BPIFB1: variants seen among roughly 807,000 people sequenced by gnomAD.
The protein encoded by BPIFB1 is BPI fold containing family B member 1.
BPIFB1 carries 34 observed loss-of-function variants against 55.1 expected under a neutral mutation model. That is an observed-to-expected ratio of 0.62 (90% CI 0.47 to 0.82). BPIFB1 has a LOEUF of 0.82. Among genes scored for constraint, BPIFB1 ranks in the 40% least tolerant of loss-of-function variants. The pLI, the probability that BPIFB1 is intolerant of heterozygous loss-of-function variation, is 0.00. For missense variants in BPIFB1, 532 were observed against 593.1 expected, an observed-to-expected ratio of 0.90 and a Z score of 1.07; for synonymous variants, 236 against 245.3, an observed-to-expected ratio of 0.96 and a Z score of 0.35.
Position 33,309,279 on chromosome 20 carries a change from T to G in BPIFB1, c.1396-429T>G, listed in dbSNP as rs1379562446. Among the ~76,000 whole-genome samples, 1 of 152,180 alleles carries G rather than the reference T, an allele frequency of 6.6e-6. No individual in the cohort carries two copies. Among genetic ancestry groups the G allele is most frequent in the Non-Finnish European group, 1.5e-5 (1 of 68,038 alleles). Reference sequence around the variant, plus strand: ...CAAGAAGGCAGGGGTTTCTGTCTGCTTTGTTCTCTGTTGTGATCAGTGGCT... The same window carrying G: ...CAAGAAGGCAGGGGTTTCTGTCTGCGTTGTTCTCTGTTGTGATCAGTGGCT... On this transcript the variant is annotated intron_variant, in intron 15 of 15. Transcript: ENST00000253354. The surrounding 1 kb of genome is among the most constrained non-coding windows in gnomAD (Gnocchi z 4.4).
chr20:33,302,913 C>T lies in BPIFB1; in HGVS notation c.982-3C>T. 6.2e-7 allele frequency: 1 copy of T among 1,613,930 alleles called. No individual in the cohort carries two copies. The highest frequency in any genetic ancestry group is 1.7e-4 in the Middle Eastern group (1 of 6,030). ...GCCACATGTGGGTCTGATCTCCTTC[C>T]AGGCTGCAGATAAGCTGGGATCTAC... On this transcript the variant is annotated splice_region_variant and splice_polypyrimidine_tract_variant and intron_variant, in intron 10 of 15. Coordinates refer to ENST00000253354, the MANE Select transcript of BPIFB1 (RefSeq NM_033197.3).
chr20:33,287,192 C>T (rs1212445734), intron 2 of BPIFB1, among the ~76,000 whole-genome samples: 3 of 152,244 alleles, frequency 2.0e-5, no homozygotes, highest in East Asian at 3.8e-4. Flanking sequence ...TAGAGATGAA[C>T]AACCATGCTT....
chr20:33,304,745 T>C, intron 12 of BPIFB1, 101 bp from the exon 13 acceptor site: 1 of 1,459,926 alleles, frequency 6.8e-7, no homozygotes. Flanking sequence ...GCCCGCACTG[T>C]GCCTGGCACA....
intron 11 of BPIFB1, 133 bp from the exon 12 acceptor site, chr20:33,303,825 G>A (rs1980930834): frequency 3.7e-6 from 3 of 809,900 alleles, no homozygotes; most frequent in Non-Finnish European, 2.1e-6. Context: ...GTGAGGCCCA[G>A]AGAGGTCAAA....
intron 7 of BPIFB1, chr20:33,298,994 A>C: frequency 6.3e-6 from 1 of 158,582 alleles, no homozygotes; most frequent in Non-Finnish European, 1.2e-5. Context: ...TTTTTTTTGG[A>C]GACGGACCTT....
At chr20:33,287,086 G>A (rs142643582) in intron 2 of BPIFB1, among the ~76,000 whole-genome samples, 29 of 152,328 alleles carry the variant, frequency 1.9e-4, no homozygotes, top group Middle Eastern at 3.4e-3. Flanking sequence ...AAGTAAGGAC[G>A]GGAAGCAGAG....
chr20:33,287,221 G>A (rs1568646194), intron 2 of BPIFB1, among the ~76,000 whole-genome samples: 1 of 152,252 alleles, frequency 6.6e-6, no homozygotes, highest in East Asian at 1.9e-4. Context: ...CCTATAAGGA[G>A]TTGTGTACAA....
chr20:33,283,543 C>T (rs1469228499), intron 1 of BPIFB1, among the ~76,000 whole-genome samples: 1 of 152,150 alleles, frequency 6.6e-6, no homozygotes, highest in Non-Finnish European at 1.5e-5. Context: ...CCCAGCTGTG[C>T]TGCGGTGGTG....
intron 6 of BPIFB1, among the ~76,000 whole-genome samples, chr20:33,292,790 T>C (rs1653440575): frequency 6.6e-6 from 1 of 152,246 alleles, no homozygotes; most frequent in South Asian, 2.1e-4. Flanking sequence ...ATTGAATTCA[T>C]CCACATTAAC....
chr20:33,284,918 G>C (rs2146524326), intron 1 of BPIFB1, among the ~76,000 whole-genome samples: 1 of 151,684 alleles, frequency 6.6e-6, no homozygotes, highest in South Asian at 2.1e-4. Context: ...TCTTTTCCTG[G>C]CTCCAAGAAG....
intron 5 of BPIFB1, among the ~76,000 whole-genome samples, chr20:33,291,338 G>A (rs1980465962): frequency 1.3e-5 from 2 of 152,368 alleles, no homozygotes; most frequent in South Asian, 4.1e-4. Context: ...ACACCGGGAG[G>A]TGGGGCAAAT....
chr20:33,302,283 C>T (rs1019216447), intron 9 of BPIFB1, 76 bp from the exon 10 acceptor site: 3 of 1,486,928 alleles, frequency 2.0e-6, no homozygotes, highest in African/African-American at 2.8e-5. Flanking sequence ...GGAAACCTTC[C>T]TCCCAGCAGT....
intron 9 of BPIFB1, 57 bp from the exon 10 acceptor site, chr20:33,302,302 G>A: frequency 2.5e-6 from 4 of 1,568,746 alleles, no homozygotes; most frequent in Non-Finnish European, 3.5e-6. Flanking sequence ...GTGGGGTGCA[G>A]GAGATGTGCC....
At chr20:33,285,657 G>T in intron 1 of BPIFB1, among the ~76,000 whole-genome samples, 1 of 150,516 alleles carries the variant, frequency 6.6e-6, no homozygotes, top group East Asian at 1.9e-4. Context: ...GGTGGAGCTT[G>T]CAGTGAGCCG....
At chr20:33,306,822 G>T (rs1056869068) in intron 14 of BPIFB1, 89 bp from the exon 15 acceptor site, 49 of 1,091,270 alleles carry the variant, frequency 4.5e-5, no homozygotes, top group Non-Finnish European at 6.4e-5. Context: ...CTGCCAGGCC[G>T]GGGCTCCCCT....
At chr20:33,306,149 C>T (rs1981019552) in intron 14 of BPIFB1, 84 bp downstream of exon 14, 3 of 1,403,446 alleles carry the variant, frequency 2.1e-6, no homozygotes, top group East Asian at 4.6e-5. Flanking sequence ...AATGGGGCCC[C>T]TTTCATTCAT....
chr20:33,283,805 T>A (rs1980178123), intron 1 of BPIFB1, among the ~76,000 whole-genome samples: 1 of 151,668 alleles, frequency 6.6e-6, no homozygotes, highest in Admixed American at 6.6e-5. Context: ...GACAGGGGCG[T>A]GTGTGGTGCC....
intron 7 of BPIFB1, 97 bp from the exon 8 acceptor site, chr20:33,299,802 C>T (rs967368045): frequency 4.6e-6 from 4 of 865,940 alleles, no homozygotes; most frequent in Non-Finnish European, 7.8e-6. Context: ...CCTGCCCCCC[C>T]ATGCAACAGT....
chr20:33,298,344 G>A (rs1002413821), intron 7 of BPIFB1, among the ~76,000 whole-genome samples: 4 of 152,174 alleles, frequency 2.6e-5, no homozygotes, highest in Non-Finnish European at 4.4e-5. Flanking sequence ...TAGCAGATAC[G>A]GGAGGGCACA....
Sources: allele counts gnomAD v4.1 joint callset (sites outside exome capture counted in the v4.1 genomes callset), GRCh38; gene constraint gnomAD v4.1.1; non-coding constraint Gnocchi (gnomAD v3.1); transcripts MANE v1.5; gene names NCBI Gene and HGNC (gene_info 2026-07-23, HGNC 2026-07-21).